The following KANK1 variants were observed in gnomAD, a reference collection of about 807,000 sequenced individuals.
KANK1 encodes KN motif and ankyrin repeat domain-containing protein 1.
A neutral mutation model predicts 106.2 loss-of-function variants in KANK1; 109 were observed. That is an observed-to-expected ratio of 1.03 (90% CI 0.88 to 1.20). The LOEUF is 1.20. Among genes scored for constraint, KANK1 ranks in the 50% most tolerant of loss-of-function variants. The pLI is 0.00. For missense variants in KANK1, 2,399 were observed against 1,710.7 expected, an observed-to-expected ratio of 1.40 and a Z score of -7.10; for synonymous variants, 873 against 652.2, an observed-to-expected ratio of 1.34 and a Z score of -5.16.
At chr9:505,090 C>T (rs1387892206) in intron 1 of KANK1, among the ~76,000 whole-genome samples, 1 of 151,986 alleles carries the variant, frequency 6.6e-6, no homozygotes, top group African/African-American at 2.4e-5. Flanking sequence ...AAGTTCGGGC[C>T]GGGCCGGCCG....
At position 710,744 on chromosome 9, in the gene KANK1, T is replaced by C. The variant is rs190657503; in HGVS notation, c.38-60T>C. 102 of 1,464,048 alleles carry C rather than the reference T, an allele frequency of 7.0e-5. No individual in the cohort carries two copies. The East Asian group carries it at 1.6e-3, about 23-fold the overall frequency. The allele number at this position is 1,464,048 out of a possible 1,614,324, so 90.7% of individuals were successfully genotyped here. A position where few individuals can be genotyped will look rare whatever the true frequency, so the allele number is the denominator to read the frequency against. On this transcript the variant is annotated intron_variant, in intron 2 of 11. Coordinates refer to ENST00000382297, the MANE Select transcript of KANK1 (RefSeq NM_015158.5). ...TGCTGTACTGCAACAAACACAAATATTAGTTTTTACCATTAGGTGTATTGC... is the reference window on the plus strand; with the variant it reads ...TGCTGTACTGCAACAAACACAAATACTAGTTTTTACCATTAGGTGTATTGC...
chr9:725,534 C>A (rs940496886), intron 3 of KANK1, among the ~76,000 whole-genome samples: 2 of 151,326 alleles, frequency 1.3e-5, no homozygotes, highest in Non-Finnish European at 2.9e-5. Flanking sequence ...ATCTCTAATG[C>A]CTTACATTGA....
At chr9:573,735 C>G (rs1819822000) in intron 1 of KANK1, among the ~76,000 whole-genome samples, 2 of 151,988 alleles carry the variant, frequency 1.3e-5, no homozygotes, top group African/African-American at 2.4e-5. Context: ...CCACCTCACC[C>G]ATTGATTGAT....
At position 480,998 on chromosome 9, in the gene KANK1, C is replaced by A. The variant is rs112782629; in HGVS notation, c.-362+7725C>A. ...TAAGTGAAAAAATGCATTTAGTACACCTAACCTACCAAACATCACAGCCTA... is the reference window on the plus strand; with the variant it reads ...TAAGTGAAAAAATGCATTTAGTACAACTAACCTACCAAACATCACAGCCTA... On this transcript the variant is annotated intron_variant, in intron 3 of 15. Transcript: ENST00000382303. Among the ~76,000 whole-genome samples the A allele has an allele frequency of 5.9e-3, 896 of 152,298 alleles. 11 individuals carry two copies. Among genetic ancestry groups the A allele is most frequent in the African/African-American group, 0.021 (855 of 41,562 alleles).
chr9:541,445 C>T (rs1190980359), intron 1 of KANK1, among the ~76,000 whole-genome samples: 5 of 152,126 alleles, frequency 3.3e-5, no homozygotes, highest in African/African-American at 9.7e-5. Flanking sequence ...AGATTGGGGG[C>T]ATGGCTCAGG....
intron 1 of KANK1, among the ~76,000 whole-genome samples, chr9:639,537 G>A (rs1484413525): frequency 6.6e-6 from 1 of 152,036 alleles, no homozygotes; most frequent in Admixed American, 6.6e-5. Context: ...GGCTGGTCTT[G>A]AACTCCTGGC....
chr9:482,394 T>G (rs55726507), intron 3 of KANK1, among the ~76,000 whole-genome samples: 4,295 of 152,288 alleles, frequency 0.028, 210 homozygotes, highest in African/African-American at 0.099. Context: ...GTGCCATCAG[T>G]AAATAGCTAG....
chr9:653,653 C>T (rs1841420692), intron 1 of KANK1, among the ~76,000 whole-genome samples: 1 of 152,088 alleles, frequency 6.6e-6, no homozygotes, highest in East Asian at 1.9e-4. Flanking sequence ...TCCCTGGGTT[C>T]TGAATGTCCT....
At position 658,593 on chromosome 9, in the gene KANK1, C is replaced by T. The variant is rs185002634; in HGVS notation, c.-83-18297C>T. On this transcript the variant is annotated intron_variant, in intron 1 of 11. Transcript: ENST00000382297. ...AGGTCTTAAAGATCTTCTAGGTTTT[C>T]TTAAGTTTTATAGTTTTTTTTTTAA... Among the ~76,000 whole-genome samples the T allele has an allele frequency of 9.3e-4, 141 of 151,580 alleles. 3 individuals are homozygous for T. The highest frequency in any genetic ancestry group is 3.2e-3 in the African/African-American group (131 of 41,338).
chr9:515,510 A>G (rs1170364625), intron 1 of KANK1, among the ~76,000 whole-genome samples: 1 of 151,856 alleles, frequency 6.6e-6, no homozygotes, highest in Non-Finnish European at 1.5e-5. Flanking sequence ...ATAAAAATTT[A>G]AAGAACAGAA....
In KANK1 at chr9:677,403, A is replaced by C. The variant is rs140130092; in HGVS notation, c.37+394A>C. 96 of 163,592 alleles carry C rather than the reference A, an allele frequency of 5.9e-4. 2 individuals are homozygous for C. The South Asian group carries it at 0.013, about 22-fold the overall frequency. 10.1% of individuals were successfully genotyped at this position (163,592 alleles called of 1,614,324 possible). On this transcript the variant is annotated intron_variant, in intron 2 of 11. Transcript: ENST00000382297. The stretch of plus-strand genomic sequence containing the variant: ...GCCACTCCCAAGCAGCTTTTGTTTG[A>C]TGTTGCTAAACAAAGAGAAAGGAGG...
In KANK1 at chr9:745,764, T is replaced by A. The variant is rs768629472; in HGVS notation, c.*529T>A. On this transcript the variant is annotated 3_prime_UTR_variant, in exon 12 of 12. Transcript: ENST00000382297. The stretch of plus-strand genomic sequence containing the variant: ...GTATAAAACTTACAAAAGAATATTC[T>A]CATTTGGTCTTAACTAGGTAGATGT... 6.5e-6 allele frequency: 1 copy of A among 152,726 alleles called. No homozygotes were observed. Among genetic ancestry groups the A allele is most frequent in the Non-Finnish European group, 1.5e-5 (1 of 68,118 alleles). 9.5% of individuals were successfully genotyped at this position (152,726 alleles called of 1,614,324 possible).
intron 1 of KANK1, among the ~76,000 whole-genome samples, chr9:623,451 G>T (rs1441236634): frequency 1.3e-5 from 2 of 151,822 alleles, no homozygotes; most frequent in Non-Finnish European, 2.9e-5. Flanking sequence ...TTAGCTAGGC[G>T]TGGTGGCATG....
intron 1 of KANK1, among the ~76,000 whole-genome samples, chr9:638,254 C>G (rs775125775): frequency 6.6e-5 from 10 of 152,144 alleles, no homozygotes; most frequent in Non-Finnish European, 8.8e-5. Context: ...TTTCTTATAG[C>G]TATGGAGGCT....
chr9:543,186 A>G (rs2060712553), intron 1 of KANK1, among the ~76,000 whole-genome samples: 2 of 152,202 alleles, frequency 1.3e-5, no homozygotes, highest in African/African-American at 4.8e-5. Flanking sequence ...GATAAACGGT[A>G]ATAAGCCCTT....
chr9:732,033 G>T, intron 5 of KANK1: 1 of 185,002 alleles, frequency 5.4e-6, no homozygotes, highest in Non-Finnish European at 1.1e-5. Context: ...TTAATAGGAT[G>T]AAATAGGAAG....
chr9:610,016 T>C (rs955936253), intron 1 of KANK1, among the ~76,000 whole-genome samples: 2 of 152,150 alleles, frequency 1.3e-5, no homozygotes, highest in African/African-American at 4.8e-5. Flanking sequence ...CCTTTACAAT[T>C]ATAATGATAA....
intron 1 of KANK1, among the ~76,000 whole-genome samples, chr9:602,809 A>C (rs779715346): frequency 6.6e-6 from 1 of 151,836 alleles, no homozygotes; most frequent in Non-Finnish European, 1.5e-5. Context: ...CTGCGCTTTT[A>C]GTTCTTGCAA....
chr9:663,775 C>G (rs12682955), intron 1 of KANK1, among the ~76,000 whole-genome samples: 7,016 of 152,236 alleles, frequency 0.046, 434 homozygotes, highest in East Asian at 0.22. Flanking sequence ...TTTGCAGGCT[C>G]TGAGATGGTT....
Sources: allele counts gnomAD v4.1 joint callset (sites outside exome capture counted in the v4.1 genomes callset), GRCh38; gene constraint gnomAD v4.1.1; transcripts MANE v1.5; gene names NCBI Gene and HGNC (gene_info 2026-07-23, HGNC 2026-07-21).